The following PCDH15 variants were observed in gnomAD, a reference collection of about 807,000 sequenced individuals.
PCDH15 encodes protocadherin-15.
A neutral mutation model predicts 178.5 loss-of-function variants in PCDH15; 129 were observed. That is an observed-to-expected ratio of 0.72 (90% confidence interval 0.63 to 0.84). The LOEUF (loss-of-function observed/expected upper bound fraction) is 0.84. Ranked by LOEUF, PCDH15 falls within the 40% of genes least tolerant of loss-of-function variation. PCDH15 has a pLI of 0.00. For synonymous variants in PCDH15, 800 were observed against 732.0 expected (o/e 1.09, Z -1.50); for missense variants, 2,230 against 2,099.9 (o/e 1.06, Z -1.21).
Position 54,160,817 on chromosome 10 carries a change from T to C in PCDH15, c.1591-7524A>G, listed in dbSNP as rs191757778. Among the ~76,000 whole-genome samples, 260 of 152,282 alleles carry C rather than the reference T, an allele frequency of 1.7e-3. 2 individuals are homozygous for C. Among genetic ancestry groups the C allele is most frequent in the African/African-American group, 5.8e-3 (243 of 41,558 alleles). Reference sequence around the variant, plus strand: ...GCACATGGAAGTATCTCAAATTAATTTGTCATTAAGGGAACACAAAATCAC... The same window carrying C: ...GCACATGGAAGTATCTCAAATTAATCTGTCATTAAGGGAACACAAAATCAC... On this transcript the variant is annotated intron_variant, in intron 13 of 37. Transcript: ENST00000644397.
rs141677915 is a variant in PCDH15 at position 54,238,659 on chromosome 10, C to CCTCTCTCTCT, written c.877-1738_877-1729dup. Among the ~76,000 whole-genome samples the CCTCTCTCTCT allele has an allele frequency of 9.6e-3, 1,248 of 130,210 alleles. 19 individuals carry two copies. Among genetic ancestry groups the CCTCTCTCTCT allele is most frequent in the African/African-American group, 0.018 (612 of 34,252 alleles). 85.4% of individuals were successfully genotyped at this position (130,210 alleles called of 152,430 possible). A position where few individuals can be genotyped will look rare whatever the true frequency, so the allele number is the denominator to read the frequency against. On this transcript the variant is annotated intron_variant, in intron 8 of 37. Coordinates refer to ENST00000644397, the MANE Select transcript of PCDH15 (RefSeq NM_001384140.1). Reference sequence around the variant, plus strand: ...TCACTGAACTTTTCCTCCCATGCTGCCTCTCTCTCTCTCTCTCTCACACAC... The same window carrying CCTCTCTCTCT: ...TCACTGAACTTTTCCTCCCATGCTGCCTCTCTCTCTCTCTCTCTCTCTCTCTCTCACACAC...
At chr10:54,034,977 T>C (rs1358157686) in intron 18 of PCDH15, among the ~76,000 whole-genome samples, 1 of 151,898 alleles carries the variant, frequency 6.6e-6, no homozygotes, top group Non-Finnish European at 1.5e-5. Context: ...TAAGCCAGAT[T>C]GGAGATTAAA....
chr10:54,145,343 C>G (rs1312340555), intron 14 of PCDH15, among the ~76,000 whole-genome samples: 1 of 151,888 alleles, frequency 6.6e-6, no homozygotes, highest in Non-Finnish European at 1.5e-5. Flanking sequence ...GCATTTCTAG[C>G]TTATTTCTAA....
intron 21 of PCDH15, among the ~76,000 whole-genome samples, chr10:53,971,711 C>G (rs1423153935): frequency 6.6e-6 from 1 of 152,066 alleles, no homozygotes; most frequent in Non-Finnish European, 1.5e-5. Flanking sequence ...GAATAAAATA[C>G]CTGGGAACCC....
At chr10:55,291,579 A>C (rs1843007783) in intron 1 of PCDH15, among the ~76,000 whole-genome samples, 1 of 152,236 alleles carries the variant, frequency 6.6e-6, no homozygotes, top group South Asian at 2.1e-4. Context: ...GACCAATAGC[A>C]GATGTCTTTA....
intron 17 of PCDH15, 85 bp downstream of exon 17, chr10:54,079,246 A>G (rs1269811358): frequency 7.7e-6 from 10 of 1,297,052 alleles, no homozygotes; most frequent in Non-Finnish European, 2.2e-6. Flanking sequence ...GAAAAACATT[A>G]ATTCATGTCT....
intron 2 of PCDH15, among the ~76,000 whole-genome samples, chr10:55,139,327 C>A (rs1169202014): frequency 6.6e-6 from 1 of 151,836 alleles, no homozygotes; most frequent in Non-Finnish European, 1.5e-5. Context: ...ATAAATTGTG[C>A]CTTTGGTGGC....
intron 2 of PCDH15, among the ~76,000 whole-genome samples, chr10:55,033,394 C>T (rs1182059050): frequency 6.6e-6 from 1 of 152,150 alleles, no homozygotes; most frequent in Non-Finnish European, 1.5e-5. Context: ...ATTTGGGGCC[C>T]AACCTTACCC....
chr10:53,851,312 A>G (rs2078341048), intron 28 of PCDH15, among the ~76,000 whole-genome samples: 3 of 151,950 alleles, frequency 2.0e-5, no homozygotes, highest in Admixed American at 2.0e-4. Flanking sequence ...ATATTTATTA[A>G]TATTGTTATT....
chr10:55,528,372 A>G lies in PCDH15; in HGVS notation c.-156+99253T>C, dbSNP rs979667103. 2.0e-5 allele frequency among the ~76,000 whole-genome samples: 3 copies of G among 150,884 alleles called. No homozygotes were observed. In the Admixed American group the frequency reaches 2.0e-4, roughly 10 times the overall value. ...GGCATATCTCCTAATGCTATCCCTCACCCCTCTCCACACCCCAAAACAGGC... is the reference window on the plus strand; with the variant it reads ...GGCATATCTCCTAATGCTATCCCTCGCCCCTCTCCACACCCCAAAACAGGC... On this transcript the variant is annotated intron_variant, in intron 2 of 5. Coordinates refer to the PCDH15 transcript ENST00000613346.
chr10:54,598,459 T>G (rs1322641504), intron 2 of PCDH15, among the ~76,000 whole-genome samples: 1 of 152,088 alleles, frequency 6.6e-6, no homozygotes, highest in Non-Finnish European at 1.5e-5. Context: ...AATTAGGTAT[T>G]GAAGGAATAT....
chr10:55,099,905 AG>A (rs1340782621), intron 2 of PCDH15, among the ~76,000 whole-genome samples: 1 of 152,134 alleles, frequency 6.6e-6, no homozygotes, highest in Non-Finnish European at 1.5e-5. Context: ...TAAAACAAAC[AG>A]AAGAGATAAT....
chr10:54,193,024 C>T (rs147810697), intron 11 of PCDH15, among the ~76,000 whole-genome samples: 1 of 152,234 alleles, frequency 6.6e-6, no homozygotes, highest in East Asian at 1.9e-4. Context: ...GGAGTCAAGC[C>T]AAGATCTGTC....
intron 1 of PCDH15, among the ~76,000 whole-genome samples, chr10:54,733,089 C>A (rs1258018140): frequency 6.6e-6 from 1 of 151,536 alleles, no homozygotes; most frequent in Non-Finnish European, 1.5e-5. Context: ...GCAAGTATAT[C>A]TCTTCCTCAT....
At chr10:54,371,656 G>C (rs116583239) in intron 4 of PCDH15, among the ~76,000 whole-genome samples, 2,741 of 151,796 alleles carry the variant, frequency 0.018, 90 homozygotes, top group African/African-American at 0.062. Flanking sequence ...CTCTATCAAA[G>C]TATCTCATGT....
At chr10:54,474,348 T>C (rs2078125045) in intron 3 of PCDH15, among the ~76,000 whole-genome samples, 1 of 152,018 alleles carries the variant, frequency 6.6e-6, no homozygotes, top group Non-Finnish European at 1.5e-5. Flanking sequence ...TTAAGTGATT[T>C]GTTCAGTTAT....
chr10:54,434,014 ATC>A (rs2075205463), intron 3 of PCDH15, among the ~76,000 whole-genome samples: 1 of 152,198 alleles, frequency 6.6e-6, no homozygotes, highest in Non-Finnish European at 1.5e-5. Context: ...AGCGATATAG[ATC>A]CACATCTTGT....
intron 23 of PCDH15, among the ~76,000 whole-genome samples, chr10:53,951,686 T>G (rs1589589014): frequency 6.6e-6 from 1 of 152,372 alleles, no homozygotes; most frequent in Non-Finnish European, 1.5e-5. Context: ...GATGTTGCTT[T>G]TCCAGTAGGA....
At chr10:55,389,165 G>C (rs187745465) in intron 2 of PCDH15, among the ~76,000 whole-genome samples, 8 of 152,126 alleles carry the variant, frequency 5.3e-5, no homozygotes, top group African/African-American at 1.9e-4. Flanking sequence ...TTTCCCTAAG[G>C]GAGAGTTTAA....
Sources: gnomAD v4.1 joint callset for allele counts (sites outside exome capture counted in the v4.1 genomes callset) on GRCh38, gnomAD v4.1.1 for gene constraint, MANE v1.5 for transcripts, NCBI Gene and HGNC (gene_info 2026-07-23, HGNC 2026-07-21) for gene names.